The following AKAP6 variants were observed in gnomAD, a reference collection of about 807,000 sequenced individuals.
AKAP6 encodes A-kinase anchor protein 6.
Under a neutral mutation model 188.5 loss-of-function variants are expected in AKAP6, and 58 were observed. That is an observed-to-expected ratio of 0.31 (90% CI 0.25 to 0.38). AKAP6 has a LOEUF of 0.38. Among genes scored for constraint, AKAP6 ranks in the 10% least tolerant of loss-of-function variants. The pLI is 1.00. For synonymous variants in AKAP6, 989 were observed against 998.6 expected, an observed-to-expected ratio of 0.99 and a Z score of 0.18; for missense variants, 2,710 against 2,740.0, an observed-to-expected ratio of 0.99 and a Z score of 0.24.
At chr14:32,378,826 G>A (rs185257222) in intron 1 of AKAP6, among the ~76,000 whole-genome samples, 5 of 151,914 alleles carry the variant, frequency 3.3e-5, no homozygotes, top group East Asian at 1.9e-4. Flanking sequence ...TGAATTTTCC[G>A]GATAACTGAA....
intron 9 of AKAP6, among the ~76,000 whole-genome samples, chr14:32,724,410 G>A (rs1173333487): frequency 6.6e-6 from 1 of 152,270 alleles, no homozygotes; most frequent in East Asian, 1.9e-4. Flanking sequence ...AAATCTACTG[G>A]AAGTGCATAC....
intron 3 of AKAP6, among the ~76,000 whole-genome samples, chr14:32,540,205 ATT>A (rs113054383): frequency 1.9e-5 from 1 of 52,678 alleles, no homozygotes; most frequent in Non-Finnish European, 3.9e-5. Context: ...TTAATTTTTT[ATT>A]TTTTTTTTTG....
chr14:32,728,348 T>TTCTATCTATCTA (rs143615571), intron 9 of AKAP6, among the ~76,000 whole-genome samples: 72 of 141,082 alleles, frequency 5.1e-4, no homozygotes, highest in East Asian at 8.3e-4. Context: ...TCTCAGTGTA[T>TTCTATCTATCTA]TCTATCTATC....
intron 1 of AKAP6, among the ~76,000 whole-genome samples, chr14:32,429,834 G>A (rs1182705022): frequency 6.6e-6 from 1 of 152,200 alleles, no homozygotes; most frequent in Non-Finnish European, 1.5e-5. Context: ...TTGGCAGCTT[G>A]AATGTAAGAT....
chr14:32,539,017 G>T (rs559518176), intron 3 of AKAP6, among the ~76,000 whole-genome samples: 1 of 151,938 alleles, frequency 6.6e-6, no homozygotes, highest in Non-Finnish European at 1.5e-5. Context: ...TCTATTTATT[G>T]GTTTCTTACT....
intron 1 of AKAP6, among the ~76,000 whole-genome samples, chr14:32,399,667 T>G (rs17098983): frequency 0.11 from 17,160 of 152,244 alleles, 1,418 homozygotes; most frequent in South Asian, 0.23. Context: ...GGCTGATTTC[T>G]TGTTGAGGTC....
Position 32,822,377 on chromosome 14 carries a change from G to A in AKAP6, c.4564G>A (p.Val1522Ile), listed in dbSNP as rs34711402. Residue 1522 changes from valine (V) to isoleucine (I), a missense_variant, in exon 13 of 14, where the codon GTA becomes ATA. Val to Ile is a conservative substitution (Grantham distance 29). Coordinates refer to ENST00000280979, the MANE Select transcript of AKAP6 (RefSeq NM_004274.5). The part of the protein sequence containing the change: ...KHQTTELQPD[V>I]PPHERILASA... ...TCAGACTACAGAGTTACAACCAGAT[G>A]TACCTCCCCATGAAAGGATTTTGGC... 52,884 of 1,613,872 alleles carry A rather than the reference G, an allele frequency of 0.033. 1,009 individuals are homozygous for A. The highest frequency in any genetic ancestry group is 0.039 in the Non-Finnish European group (46,267 of 1,179,876).
chr14:32,388,685 C>T (rs1245376694), intron 1 of AKAP6, among the ~76,000 whole-genome samples: 1 of 152,024 alleles, frequency 6.6e-6, no homozygotes, highest in Non-Finnish European at 1.5e-5. Context: ...GAGTTGATTT[C>T]CAGTTTTATT....
intron 2 of AKAP6, among the ~76,000 whole-genome samples, chr14:32,506,069 G>C (rs1880860976): frequency 6.6e-6 from 1 of 151,994 alleles, no homozygotes; most frequent in African/African-American, 2.4e-5. Flanking sequence ...CTTGAACCCG[G>C]GAAGCAGAGG....
At chr14:32,352,265 TG>T (rs554201062) in intron 1 of AKAP6, among the ~76,000 whole-genome samples, 158 of 151,428 alleles carry the variant, frequency 1.0e-3, no homozygotes, top group Non-Finnish European at 1.6e-3. Flanking sequence ...TTTTTTTTTT[TG>T]GTTTTATTTT....
intron 2 of AKAP6, among the ~76,000 whole-genome samples, chr14:32,519,201 A>G (rs923198422): frequency 6.6e-6 from 1 of 152,252 alleles, no homozygotes; most frequent in African/African-American, 2.4e-5. Context: ...GAAGCACTGA[A>G]CATGGAAAGG....
intron 12 of AKAP6, among the ~76,000 whole-genome samples, chr14:32,805,914 A>G (rs1010255713): frequency 1.3e-5 from 2 of 152,372 alleles, no homozygotes; most frequent in Non-Finnish European, 2.9e-5. Flanking sequence ...TAGCAGTGCA[A>G]TACAGTACAA....
intron 7 of AKAP6, among the ~76,000 whole-genome samples, chr14:32,650,654 C>CA (rs1888180738): frequency 6.6e-6 from 1 of 151,822 alleles, no homozygotes; most frequent in Non-Finnish European, 1.5e-5. Flanking sequence ...ATTAATTTAC[C>CA]AAAATTCATG....
chr14:32,581,346 A>G (rs1219439685), intron 5 of AKAP6, among the ~76,000 whole-genome samples: 2 of 152,240 alleles, frequency 1.3e-5, no homozygotes, highest in Middle Eastern at 3.4e-3. Context: ...TGATTGCACT[A>G]TGGTCTGAGA....
chr14:32,731,615 T>A (rs1250775150), intron 9 of AKAP6, among the ~76,000 whole-genome samples: 1 of 152,100 alleles, frequency 6.6e-6, no homozygotes, highest in Non-Finnish European at 1.5e-5. Context: ...AACCAGAATC[T>A]AGATTTTCTA....
chr14:32,814,026 G>C (rs1376314780), intron 12 of AKAP6, among the ~76,000 whole-genome samples: 1 of 151,996 alleles, frequency 6.6e-6, no homozygotes, highest in East Asian at 1.9e-4. Flanking sequence ...TCCAAGACTG[G>C]TGCTGGGACA....
At chr14:32,806,449 G>A (rs2034091618) in intron 12 of AKAP6, among the ~76,000 whole-genome samples, 1 of 152,170 alleles carries the variant, frequency 6.6e-6, no homozygotes, top group African/African-American at 2.4e-5. Context: ...GACTGAGGCA[G>A]GTGGATTGCT....
intron 2 of AKAP6, among the ~76,000 whole-genome samples, chr14:32,450,342 G>C (rs562725326): frequency 6.5e-4 from 99 of 151,874 alleles, no homozygotes; most frequent in African/African-American, 2.3e-3. Context: ...GAGAGAGAGA[G>C]GGAGAGGGAG....
chr14:32,463,278 C>T (rs1891414677), intron 2 of AKAP6, among the ~76,000 whole-genome samples: 1 of 152,142 alleles, frequency 6.6e-6, no homozygotes, highest in Admixed American at 6.5e-5. Flanking sequence ...ACTCTCCACC[C>T]CAAATCAACA....
Sources: gnomAD v4.1 joint callset for allele counts (sites outside exome capture counted in the v4.1 genomes callset) on GRCh38, gnomAD v4.1.1 for gene constraint, MANE v1.5 for transcripts, NCBI Gene and HGNC (gene_info 2026-07-23, HGNC 2026-07-21) for gene names.